DAB1: variants seen among roughly 807,000 people sequenced by gnomAD.
DAB1 encodes the protein DAB adaptor protein 1, also known as disabled homolog 1.
In DAB1, 15 loss-of-function variants were observed where a neutral mutation model predicts 64.6. That is an observed-to-expected ratio of 0.23 (90% CI 0.16 to 0.36). The LOEUF is 0.36. Ranked by LOEUF, DAB1 falls within the 10% of genes least tolerant of loss-of-function variation. The probability of loss-of-function intolerance (pLI) is 1.00; values close to 1 mark genes in which losing one functional copy is unlikely to be tolerated. For synonymous variants in DAB1, 235 were observed against 251.9 expected, an observed-to-expected ratio of 0.93 and a Z score of 0.64; for missense variants, 596 against 706.7, an observed-to-expected ratio of 0.84 and a Z score of 1.78.
At chr1:57,016,799 G>A (rs1407654538) in intron 11 of DAB1, among the ~76,000 whole-genome samples, 1 of 152,112 alleles carries the variant, frequency 6.6e-6, no homozygotes, top group Non-Finnish European at 1.5e-5. Flanking sequence ...CATAGTAACA[G>A]CAACAAGCTC....
chr1:57,850,269 G>A (rs1653459166), intron 1 of DAB1, among the ~76,000 whole-genome samples: 1 of 152,114 alleles, frequency 6.6e-6, no homozygotes, highest in African/African-American at 2.4e-5. Context: ...ACAAACATAA[G>A]GTAAGGATTA....
intron 5 of DAB1, among the ~76,000 whole-genome samples, chr1:57,963,174 C>T (rs1467874985): frequency 6.6e-6 from 1 of 152,144 alleles, no homozygotes; most frequent in South Asian, 2.1e-4. Context: ...AATGAGGTCC[C>T]TATTTTCCTG....
At chr1:57,451,921 A>G (rs1686384570) in intron 7 of DAB1, among the ~76,000 whole-genome samples, 1 of 152,024 alleles carries the variant, frequency 6.6e-6, no homozygotes, top group South Asian at 2.1e-4. Flanking sequence ...TTGTACCAGT[A>G]AGGTTCCTTT....
intron 7 of DAB1, among the ~76,000 whole-genome samples, chr1:57,464,128 C>A (rs1686879486): frequency 1.3e-5 from 2 of 152,154 alleles, no homozygotes; most frequent in Non-Finnish European, 1.5e-5. Flanking sequence ...AAATGCTCTA[C>A]ATGGATTTTC....
At chr1:57,654,158 T>G (rs1646288757) in intron 6 of DAB1, among the ~76,000 whole-genome samples, 1 of 152,200 alleles carries the variant, frequency 6.6e-6, no homozygotes, top group Non-Finnish European at 1.5e-5. Flanking sequence ...TGCTTTTTCA[T>G]ATGTCCATTT....
At chr1:58,226,445 A>T (rs1570510200) in intron 4 of DAB1, among the ~76,000 whole-genome samples, 1 of 151,412 alleles carries the variant, frequency 6.6e-6, no homozygotes, top group Admixed American at 6.6e-5. Context: ...CCACAAAGTT[A>T]GGAAGGCACA....
chr1:58,200,586 C>T (rs1411108044), intron 4 of DAB1, among the ~76,000 whole-genome samples: 1 of 152,050 alleles, frequency 6.6e-6, no homozygotes, highest in Non-Finnish European at 1.5e-5. Flanking sequence ...TGCCTCTACT[C>T]TTACCAAATT....
intron 5 of DAB1, among the ~76,000 whole-genome samples, chr1:57,973,858 T>C (rs920187140): frequency 2.6e-5 from 4 of 152,164 alleles, no homozygotes; most frequent in Non-Finnish European, 5.9e-5. Flanking sequence ...TAGTGACTTC[T>C]CCAGATAATA....
At chr1:57,880,054 G>T (rs571939920) in intron 1 of DAB1, 1 of 152,318 alleles carries the variant, frequency 6.6e-6, no homozygotes, top group South Asian at 2.1e-4. Flanking sequence ...AGTAACCTAG[G>T]AAGAGAAAGT....
At chr1:57,702,166 C>G (rs923069420) in intron 6 of DAB1, among the ~76,000 whole-genome samples, 1 of 152,076 alleles carries the variant, frequency 6.6e-6, no homozygotes, top group Non-Finnish European at 1.5e-5. Flanking sequence ...CTTAGAGGCT[C>G]TTTGCAATTC....
chr1:58,442,947 C>T (rs1023610117), intron 3 of DAB1, among the ~76,000 whole-genome samples: 1 of 152,120 alleles, frequency 6.6e-6, no homozygotes, highest in African/African-American at 2.4e-5. Context: ...TTCTAGGAGA[C>T]AGTATATGTA....
intron 6 of DAB1, among the ~76,000 whole-genome samples, chr1:57,651,872 G>A (rs1646260457): frequency 6.6e-6 from 1 of 152,124 alleles, no homozygotes; most frequent in African/African-American, 2.4e-5. Context: ...TCATATCAGT[G>A]CGAAAATTAC....
chr1:57,567,552 T>G (rs573562361), intron 7 of DAB1, among the ~76,000 whole-genome samples: 1 of 152,198 alleles, frequency 6.6e-6, no homozygotes, highest in Admixed American at 6.5e-5. Flanking sequence ...CCAAATCTCC[T>G]TAAGCTGATA....
chr1:58,327,881 C>T (rs1158077686), intron 4 of DAB1, among the ~76,000 whole-genome samples: 1 of 152,170 alleles, frequency 6.6e-6, no homozygotes, highest in African/African-American at 2.4e-5. Flanking sequence ...CATTTGTTAG[C>T]TCTCATAGTC....
intron 7 of DAB1, among the ~76,000 whole-genome samples, chr1:57,463,248 G>A (rs1686847455): frequency 6.6e-6 from 1 of 152,122 alleles, no homozygotes; most frequent in African/African-American, 2.4e-5. Flanking sequence ...AATGATAGTG[G>A]ATTGTATATG....
At chr1:57,873,546 G>A (rs1381430626) in intron 1 of DAB1, among the ~76,000 whole-genome samples, 1 of 152,174 alleles carries the variant, frequency 6.6e-6, no homozygotes, top group Non-Finnish European at 1.5e-5. Context: ...TTGTAGATGG[G>A]TACAATTTAG....
chr1:58,531,687 T>G (rs1646435619), intron 1 of DAB1, among the ~76,000 whole-genome samples: 1 of 148,596 alleles, frequency 6.7e-6, no homozygotes, highest in African/African-American at 2.5e-5. Context: ...AACACAAATG[T>G]GTGTTTTGAA....
intron 2 of DAB1, among the ~76,000 whole-genome samples, chr1:57,271,263 T>G (rs1670974182): frequency 6.6e-6 from 1 of 152,152 alleles, no homozygotes; most frequent in Non-Finnish European, 1.5e-5. Flanking sequence ...TCTTTAAGAT[T>G]CAAAATCTAA....
rs980894711 is a variant in DAB1, at chr1:58,473,055, C to T, written n.257+33005G>A. ...TCCCAGGAAAACAAAGTAATTTAAA[C>T]GACATTTCCCCGCACCACACTGTAT... On this transcript the variant is annotated intron_variant and non_coding_transcript_variant, in intron 3 of 20. Coordinates refer to the DAB1 transcript ENST00000485760. Among the ~76,000 whole-genome samples the T allele has an allele frequency of 2.0e-4, 30 of 152,180 alleles. 1 individual carries two copies. Among genetic ancestry groups the T allele is most frequent in the Admixed American group, 1.4e-3 (22 of 15,284 alleles).
Sources: allele counts gnomAD v4.1 joint callset (sites outside exome capture counted in the v4.1 genomes callset), GRCh38; gene constraint gnomAD v4.1.1; transcripts MANE v1.5; gene names NCBI Gene and HGNC (gene_info 2026-07-23, HGNC 2026-07-21).